EYA1: variants seen among roughly 807,000 people sequenced by gnomAD.
EYA1 encodes protein phosphatase EYA1.
A neutral mutation model predicts 82.0 loss-of-function variants in EYA1; 16 were observed. The ratio of observed to expected loss-of-function variants is 0.20; its 90% CI spans 0.13 to 0.30. EYA1 has a LOEUF of 0.30. Ranked by LOEUF, EYA1 falls within the 10% of genes least tolerant of loss-of-function variation. The probability of loss-of-function intolerance (pLI) is 1.00; values close to 1 mark genes in which losing one functional copy is unlikely to be tolerated. For synonymous variants in EYA1, 261 were observed against 264.4 expected, an observed-to-expected ratio of 0.99 and a Z score of 0.12; for missense variants, 633 against 730.7, an observed-to-expected ratio of 0.87 and a Z score of 1.54.
At chr8:71,485,569 A>C (rs2129217688) in intron 2 of EYA1, among the ~76,000 whole-genome samples, 1 of 151,012 alleles carries the variant, frequency 6.6e-6, no homozygotes, top group African/African-American at 2.4e-5. Flanking sequence ...GGAAGAGTAA[A>C]CCATTTAAAA....
At chr8:71,458,478 C>T (rs570856056) in intron 2 of EYA1, among the ~76,000 whole-genome samples, 2 of 151,454 alleles carry the variant, frequency 1.3e-5, no homozygotes, top group African/African-American at 4.8e-5. Context: ...ATGCTTTTTT[C>T]ATCACCAGCC....
intron 2 of EYA1, among the ~76,000 whole-genome samples, chr8:71,499,308 A>G (rs766556680): frequency 1.3e-5 from 2 of 152,206 alleles, no homozygotes; most frequent in Non-Finnish European, 1.5e-5. Context: ...CACTTTCTCT[A>G]TAATAATATA....
intron 2 of EYA1, among the ~76,000 whole-genome samples, chr8:71,493,359 G>C (rs907295922): frequency 1.3e-5 from 2 of 152,104 alleles, no homozygotes; most frequent in African/African-American, 2.4e-5. Flanking sequence ...CTACCTCTAC[G>C]GCTGGCTGAA....
chr8:71,413,835 TCTTA>T (rs1830725664), intron 2 of EYA1, among the ~76,000 whole-genome samples: 1 of 152,218 alleles, frequency 6.6e-6, no homozygotes, highest in African/African-American at 2.4e-5. Flanking sequence ...GAGCTAAATG[TCTTA>T]CTTCTAAAGG....
intron 4 of EYA1, among the ~76,000 whole-genome samples, chr8:71,326,380 A>G (rs1563470762): frequency 1.3e-5 from 2 of 151,642 alleles, no homozygotes; most frequent in East Asian, 1.9e-4. Flanking sequence ...TGTTTTCCCA[A>G]CAAAATATAC....
At chr8:71,461,056 T>C (rs1260950164) in intron 2 of EYA1, among the ~76,000 whole-genome samples, 1 of 152,234 alleles carries the variant, frequency 6.6e-6, no homozygotes, top group African/African-American at 2.4e-5. Flanking sequence ...TGACCAGCAC[T>C]GTCCAATAGA....
chr8:71,265,551 C>T (rs10113629), intron 11 of EYA1, among the ~76,000 whole-genome samples: 55 of 152,254 alleles, frequency 3.6e-4, no homozygotes, highest in African/African-American at 1.3e-3. Flanking sequence ...ACAATCAAGG[C>T]GTTGAGTGTA....
At chr8:71,216,599 T>C (rs912082577) in intron 14 of EYA1, 93 bp downstream of exon 14, 3 of 1,281,278 alleles carry the variant, frequency 2.3e-6, no homozygotes, top group Non-Finnish European at 3.4e-6. Flanking sequence ...GAAGCTATTA[T>C]ATTCAAAGCA....
chr8:71,528,694 G>A lies in EYA1; in HGVS notation c.33+7050C>T, dbSNP rs570619618. Among the ~76,000 whole-genome samples the A allele has an allele frequency of 2.4e-3, 372 of 152,202 alleles. 2 individuals carry two copies. Among genetic ancestry groups the A allele is most frequent in the Non-Finnish European group, 3.4e-3 (229 of 68,010 alleles). Reference sequence around the variant, plus strand: ...GTCAAATACATTTTAATTAAATAACGACTAGTGAGGCCATCCCAGCTCAAA... The same window carrying A: ...GTCAAATACATTTTAATTAAATAACAACTAGTGAGGCCATCCCAGCTCAAA... On this transcript the variant is annotated intron_variant, in intron 2 of 18. Transcript: ENST00000643681.
At chr8:71,344,299 TA>T (rs976755649) in intron 3 of EYA1, among the ~76,000 whole-genome samples, 6 of 151,986 alleles carry the variant, frequency 3.9e-5, no homozygotes, top group Admixed American at 6.5e-5. Flanking sequence ...ATTGTACCAA[TA>T]AAAAAAATGC....
At chr8:71,342,373 G>A (rs1239684820) in intron 3 of EYA1, among the ~76,000 whole-genome samples, 1 of 152,098 alleles carries the variant, frequency 6.6e-6, no homozygotes, top group East Asian at 1.9e-4. Context: ...ACCTTTGTTT[G>A]TATTGTTTCT....
intron 2 of EYA1, among the ~76,000 whole-genome samples, chr8:71,435,362 G>A (rs907248172): frequency 1.3e-5 from 2 of 151,278 alleles, no homozygotes; most frequent in African/African-American, 4.9e-5. Flanking sequence ...GTGATACAGG[G>A]GTATCATAAT....
At position 71,458,050 on chromosome 8, in the gene EYA1, T is replaced by A. The variant is rs115189147; in HGVS notation, c.33+77694A>T. ...TAATTTTCAGGGTAGAGAGAGCGAA[T>A]ATCTTGTTCTGTTTGAATATCTTTA... On this transcript the variant is annotated intron_variant, in intron 2 of 18. Transcript: ENST00000643681. Among the ~76,000 whole-genome samples the A allele has an allele frequency of 7.1e-3, 1,083 of 152,254 alleles. 19 individuals are homozygous for A. The highest frequency in any genetic ancestry group is 0.025 in the African/African-American group (1,027 of 41,550).
intron 6 of EYA1, among the ~76,000 whole-genome samples, chr8:71,320,128 A>G (rs2129029289): frequency 6.6e-6 from 1 of 152,286 alleles, no homozygotes; most frequent in Admixed American, 6.5e-5. Flanking sequence ...GCTATTTCAG[A>G]CAAGGACATT....
At chr8:71,216,552 G>T in intron 14 of EYA1, 140 bp downstream of exon 14, 1 of 889,798 alleles carries the variant, frequency 1.1e-6, no homozygotes, top group Non-Finnish European at 1.8e-6. Flanking sequence ...CTAAATCACA[G>T]CAGAATAATG....
intron 2 of EYA1, among the ~76,000 whole-genome samples, chr8:71,507,544 T>A (rs1239527208): frequency 6.6e-6 from 1 of 152,184 alleles, no homozygotes; most frequent in Admixed American, 6.5e-5. Flanking sequence ...CACATGTAAT[T>A]GTACACATGC....
chr8:71,362,889 A>T (rs1827519867), upstream of EYA1, among the ~76,000 whole-genome samples: 1 of 152,210 alleles, frequency 6.6e-6, no homozygotes, highest in Non-Finnish European at 1.5e-5. Context: ...CAGATACATG[A>T]CTTTGGTGAT....
chr8:71,307,815 T>A (rs528717053), intron 7 of EYA1, among the ~76,000 whole-genome samples: 2 of 152,164 alleles, frequency 1.3e-5, no homozygotes, highest in Non-Finnish European at 2.9e-5. Context: ...GCTGTCAGGA[T>A]CCTAACAGAA....
intron 2 of EYA1, among the ~76,000 whole-genome samples, chr8:71,486,207 C>T (rs559836116): frequency 6.1e-4 from 93 of 152,140 alleles, no homozygotes; most frequent in Non-Finnish European, 8.5e-4. Flanking sequence ...CTCCTGGTGG[C>T]AAAGCACTAT....
Sources: allele counts gnomAD v4.1 joint callset (sites outside exome capture counted in the v4.1 genomes callset), GRCh38; gene constraint gnomAD v4.1.1; transcripts MANE v1.5; gene names NCBI Gene and HGNC (gene_info 2026-07-23, HGNC 2026-07-21).